The following GALNTL6 variants were observed in gnomAD, a reference collection of about 807,000 sequenced individuals.
GALNTL6 encodes the protein polypeptide N-acetylgalactosaminyltransferase like 6.
A neutral mutation model predicts 73.7 loss-of-function variants in GALNTL6; 46 were observed. The observed-to-expected ratio is 0.62, with a 90% CI of 0.49 to 0.80. The LOEUF is 0.80. Among genes scored for constraint, GALNTL6 ranks in the 30% least tolerant of loss-of-function variants. The pLI, the probability that GALNTL6 is intolerant of heterozygous loss-of-function variation, is 0.00. For missense variants in GALNTL6, 604 were observed against 755.0 expected (o/e 0.80, Z 2.34); for synonymous variants, 259 against 263.7 (o/e 0.98, Z 0.17).
At chr4:172,413,723 A>G (rs1171921489) in intron 5 of GALNTL6, among the ~76,000 whole-genome samples, 1 of 149,338 alleles carries the variant, frequency 6.7e-6, no homozygotes, top group East Asian at 2.0e-4. Flanking sequence ...GATCATATAG[A>G]TTACCTGAAA....
At position 172,753,834 on chromosome 4, in the gene GALNTL6, A is replaced by T. The variant is rs191650055; in HGVS notation, c.554-55527A>T. ...ATAATTTTTTTAAAAGAACAAAAGG[A>T]TGTTTGCTTGGTTCAAAAAAAAAAT... On this transcript the variant is annotated intron_variant, in intron 5 of 12. Coordinates refer to ENST00000506823, the MANE Select transcript of GALNTL6 (RefSeq NM_001034845.3). 1.0e-3 allele frequency among the ~76,000 whole-genome samples: 155 copies of T among 152,252 alleles called. 2 individuals are homozygous for T. In the East Asian group the frequency reaches 0.027, roughly 27 times the overall value.
rs187508053 is a variant in GALNTL6 at position 172,728,484 on chromosome 4, T to C, written c.554-80877T>C. 4.8e-3 allele frequency among the ~76,000 whole-genome samples: 723 copies of C among 151,996 alleles called. 7 individuals are homozygous for C. Among genetic ancestry groups the C allele is most frequent in the Non-Finnish European group, 7.5e-3 (507 of 67,918 alleles). ...TTTGTTATGGCTGAATTATATTTCATTGTATATGTACATATACAATGAAAT... is the reference window on the plus strand; with the variant it reads ...TTTGTTATGGCTGAATTATATTTCACTGTATATGTACATATACAATGAAAT... On this transcript the variant is annotated intron_variant, in intron 5 of 12. Coordinates refer to ENST00000506823, the MANE Select transcript of GALNTL6 (RefSeq NM_001034845.3).
chr4:172,820,527 CTG>C (rs529514209), intron 7 of GALNTL6, among the ~76,000 whole-genome samples: 59 of 152,150 alleles, frequency 3.9e-4, no homozygotes, highest in Non-Finnish European at 7.1e-4. Context: ...ACTGGTCAAA[CTG>C]AGAATTTAAT....
intron 2 of GALNTL6, among the ~76,000 whole-genome samples, chr4:172,154,415 A>G (rs1050335367): frequency 6.6e-6 from 1 of 152,060 alleles, no homozygotes; most frequent in African/African-American, 2.4e-5. Flanking sequence ...TATTTGTAGT[A>G]GAGACGGGGC....
At chr4:171,861,863 A>G (rs1735837852) in intron 2 of GALNTL6, among the ~76,000 whole-genome samples, 1 of 152,178 alleles carries the variant, frequency 6.6e-6, no homozygotes. Flanking sequence ...TATATTATTA[A>G]TGTCTGATGC....
Position 171,884,541 on chromosome 4 carries a change from A to G in GALNTL6, c.138+69823A>G, listed in dbSNP as rs571817197. On this transcript the variant is annotated intron_variant, in intron 2 of 12. Coordinates refer to ENST00000506823, the MANE Select transcript of GALNTL6 (RefSeq NM_001034845.3). ...TAAGATATATACATATATAGTATAT[A>G]TAACTATATATGTAGTTGTCTGTTG... Among the ~76,000 whole-genome samples the G allele has an allele frequency of 5.3e-5, 8 of 151,690 alleles. 1 individual carries two copies. In the South Asian group the frequency reaches 1.2e-3, roughly 24 times the overall value.
At chr4:172,806,726 A>C (rs1051226843) in intron 5 of GALNTL6, among the ~76,000 whole-genome samples, 4 of 152,154 alleles carry the variant, frequency 2.6e-5, no homozygotes, top group Non-Finnish European at 4.4e-5. Flanking sequence ...TGAAGGGAAA[A>C]ACATATTTTA....
chr4:172,259,786 A>G (rs1271941122), intron 3 of GALNTL6, among the ~76,000 whole-genome samples: 1 of 151,678 alleles, frequency 6.6e-6, no homozygotes, highest in Non-Finnish European at 1.5e-5. Context: ...ATTTTTGTAT[A>G]AGGTGAGAGA....
chr4:172,059,502 A>T (rs1731128837), intron 2 of GALNTL6, among the ~76,000 whole-genome samples: 2 of 152,200 alleles, frequency 1.3e-5, no homozygotes, highest in Non-Finnish European at 2.9e-5. Flanking sequence ...GAAAGGGAAG[A>T]AAGAGTTTAA....
At chr4:172,635,169 A>G (rs1022149212) in intron 5 of GALNTL6, among the ~76,000 whole-genome samples, 7 of 152,270 alleles carry the variant, frequency 4.6e-5, no homozygotes, top group Non-Finnish European at 8.8e-5. Flanking sequence ...TTCCTAACCT[A>G]TTATTTACCT....
intron 4 of GALNTL6, among the ~76,000 whole-genome samples, chr4:172,339,296 CACACACACACACACACACAGA>C (rs1741473454): frequency 6.7e-6 from 1 of 148,728 alleles, no homozygotes; most frequent in African/African-American, 2.5e-5. Flanking sequence ...CACACACACA[CACACACACACACACACACAGA>C]GTTTCCAGGT....
At chr4:172,957,264 G>C (rs556794723) in intron 10 of GALNTL6, among the ~76,000 whole-genome samples, 1 of 152,282 alleles carries the variant, frequency 6.6e-6, no homozygotes, top group South Asian at 2.1e-4. Flanking sequence ...TGATGAAAAG[G>C]AAATAAGAGG....
intron 11 of GALNTL6, among the ~76,000 whole-genome samples, chr4:173,009,834 T>C (rs1752465982): frequency 6.6e-6 from 1 of 152,216 alleles, no homozygotes; most frequent in South Asian, 2.1e-4. Flanking sequence ...AGGCTATGTA[T>C]TGCTTTTATT....
At chr4:172,222,492 A>C (rs1035269612) in intron 2 of GALNTL6, among the ~76,000 whole-genome samples, 8 of 152,006 alleles carry the variant, frequency 5.3e-5, no homozygotes, top group African/African-American at 1.7e-4. Flanking sequence ...ATGTGTCATC[A>C]AGATAAAAGA....
At chr4:172,245,686 C>T (rs1213591799) in intron 3 of GALNTL6, among the ~76,000 whole-genome samples, 1 of 152,124 alleles carries the variant, frequency 6.6e-6, no homozygotes, top group African/African-American at 2.4e-5. Flanking sequence ...GAACATCCTC[C>T]AAAATTCATA....
intron 4 of GALNTL6, among the ~76,000 whole-genome samples, chr4:172,337,432 T>C (rs1196962568): frequency 6.6e-6 from 1 of 152,216 alleles, no homozygotes; most frequent in African/African-American, 2.4e-5. Context: ...ATTTTGTTTC[T>C]ATGTTAAGAA....
chr4:171,976,909 C>T (rs181390954), intron 2 of GALNTL6, among the ~76,000 whole-genome samples: 213 of 152,036 alleles, frequency 1.4e-3, no homozygotes, highest in Middle Eastern at 3.4e-3. Context: ...TTTCTCAGAC[C>T]CAAAGAGCAT....
At chr4:172,351,775 TTTTG>T (rs894867119) in intron 5 of GALNTL6, among the ~76,000 whole-genome samples, 5 of 152,130 alleles carry the variant, frequency 3.3e-5, no homozygotes, top group African/African-American at 4.8e-5. Flanking sequence ...TAGGAAGTTT[TTTTG>T]TTTGTTTTAC....
intron 5 of GALNTL6, among the ~76,000 whole-genome samples, chr4:172,567,499 AT>A (rs1736600324): frequency 2.0e-5 from 3 of 152,170 alleles, no homozygotes; most frequent in Admixed American, 2.0e-4. Flanking sequence ...CAGCAAACAT[AT>A]CTTTTTCTAA....
Sources: allele counts gnomAD v4.1 joint callset (sites outside exome capture counted in the v4.1 genomes callset), GRCh38; gene constraint gnomAD v4.1.1; transcripts MANE v1.5; gene names NCBI Gene and HGNC (gene_info 2026-07-23, HGNC 2026-07-21).